Variants in DNER observed in about 807,000 individuals in gnomAD.
DNER encodes delta and Notch-like epidermal growth factor-related receptor.
DNER carries 33 observed loss-of-function variants against 78.2 expected under a neutral mutation model. The observed-to-expected ratio is 0.42, with a 90% CI of 0.32 to 0.56. The LOEUF (loss-of-function observed/expected upper bound fraction) is 0.56, where lower values mean the gene tolerates loss of function less well. Ranked by LOEUF, DNER falls within the 20% of genes least tolerant of loss-of-function variation. The probability of loss-of-function intolerance (pLI) is 0.11; values close to 1 mark genes in which losing one functional copy is unlikely to be tolerated. For synonymous variants in DNER, 417 were observed against 384.8 expected (o/e 1.08, Z -0.98); for missense variants, 918 against 975.3 (o/e 0.94, Z 0.78).
intron 4 of DNER, among the ~76,000 whole-genome samples, chr2:229,550,730 G>A (rs993650036): frequency 1.3e-5 from 2 of 152,118 alleles, no homozygotes; most frequent in South Asian, 4.1e-4. Context: ...AGCCGAGATT[G>A]CACCACTGCG....
intron 4 of DNER, among the ~76,000 whole-genome samples, chr2:229,557,069 G>A (rs1241985992): frequency 2.0e-5 from 3 of 152,132 alleles, no homozygotes; most frequent in Non-Finnish European, 4.4e-5. Flanking sequence ...TAGCCCTCAG[G>A]AAATTCCACA....
chr2:229,498,788 T>C (rs1166559676), intron 6 of DNER, among the ~76,000 whole-genome samples: 1 of 152,214 alleles, frequency 6.6e-6, no homozygotes, highest in Non-Finnish European at 1.5e-5. Context: ...AAAGATTTCC[T>C]GTGTTCATGG....
At chr2:229,660,431 T>A (rs905652258) in intron 1 of DNER, among the ~76,000 whole-genome samples, 2 of 152,200 alleles carry the variant, frequency 1.3e-5, no homozygotes, top group Admixed American at 6.6e-5. Context: ...GCTCCATCCA[T>A]GTCCCTGCAA....
intron 7 of DNER, among the ~76,000 whole-genome samples, chr2:229,454,918 A>G (rs1363973949): frequency 6.6e-6 from 1 of 151,122 alleles, no homozygotes; most frequent in African/African-American, 2.5e-5. Flanking sequence ...GTTACAAAGA[A>G]TGACAAAGCA....
intron 9 of DNER, among the ~76,000 whole-genome samples, chr2:229,411,296 C>T (rs1693513201): frequency 6.6e-6 from 1 of 152,164 alleles, no homozygotes; most frequent in African/African-American, 2.4e-5. Flanking sequence ...GTAGCTCACG[C>T]CGGTAATCCC....
chr2:229,553,497 A>G (rs558848722), intron 4 of DNER, among the ~76,000 whole-genome samples: 1 of 152,324 alleles, frequency 6.6e-6, no homozygotes, highest in East Asian at 1.9e-4. Flanking sequence ...GGGACAAGAC[A>G]AAGGACAGGG....
At chr2:229,606,719 C>T (rs898825893) in intron 1 of DNER, among the ~76,000 whole-genome samples, 1 of 152,038 alleles carries the variant, frequency 6.6e-6, no homozygotes, top group Non-Finnish European at 1.5e-5. Context: ...ATGGTGAAAC[C>T]CTGTCTCGAT....
chr2:229,674,910 CT>C (rs565888675), intron 1 of DNER, among the ~76,000 whole-genome samples: 70 of 152,318 alleles, frequency 4.6e-4, no homozygotes, highest in African/African-American at 1.7e-3. Flanking sequence ...TCACCTTGTG[CT>C]TACCAGGGAG....
chr2:229,438,906 G>C (rs1296906460), intron 8 of DNER, among the ~76,000 whole-genome samples: 1 of 152,146 alleles, frequency 6.6e-6, no homozygotes, highest in Admixed American at 6.5e-5. Context: ...TACCCTTGGT[G>C]AGTCAAGGCC....
At chr2:229,470,618 G>A (rs1694905621) in intron 7 of DNER, among the ~76,000 whole-genome samples, 1 of 152,218 alleles carries the variant, frequency 6.6e-6, no homozygotes, top group South Asian at 2.1e-4. Flanking sequence ...GGGAGGCTGA[G>A]GTGGGCGGAT....
intron 8 of DNER, among the ~76,000 whole-genome samples, chr2:229,442,300 G>A (rs543952984): frequency 1.3e-5 from 2 of 152,250 alleles, no homozygotes; most frequent in East Asian, 3.9e-4. Flanking sequence ...CAGATCAAGA[G>A]GTCAGGAGAT....
chr2:229,384,584 C>T (rs556333940), intron 11 of DNER, among the ~76,000 whole-genome samples: 2 of 152,196 alleles, frequency 1.3e-5, no homozygotes, highest in South Asian at 2.1e-4. Flanking sequence ...GGGATATCAC[C>T]GCTGATCTGA....
chr2:229,507,695 A>C (rs1222967661), intron 6 of DNER, among the ~76,000 whole-genome samples: 1 of 152,202 alleles, frequency 6.6e-6, no homozygotes, highest in Non-Finnish European at 1.5e-5. Flanking sequence ...TTAAAAATAA[A>C]ATTATAACAT....
At chr2:229,396,055 G>T (rs1200619212) in intron 10 of DNER, among the ~76,000 whole-genome samples, 1 of 152,144 alleles carries the variant, frequency 6.6e-6, no homozygotes, top group Non-Finnish European at 1.5e-5. Context: ...TCACCTAAGA[G>T]TCATGTCTTT....
At chr2:229,550,763 G>A (rs1449265597) in intron 4 of DNER, among the ~76,000 whole-genome samples, 1 of 151,916 alleles carries the variant, frequency 6.6e-6, no homozygotes, top group Non-Finnish European at 1.5e-5. Flanking sequence ...GACAGAGCGA[G>A]ACTCTGTCTC....
intron 1 of DNER, among the ~76,000 whole-genome samples, chr2:229,702,493 A>T (rs1699762003): frequency 6.6e-6 from 1 of 151,736 alleles, no homozygotes; most frequent in African/African-American, 2.4e-5. Flanking sequence ...CCATGATCAC[A>T]TTACTGCACT....
intron 1 of DNER, among the ~76,000 whole-genome samples, chr2:229,666,277 G>A (rs951882078): frequency 6.6e-6 from 1 of 151,990 alleles, no homozygotes; most frequent in Non-Finnish European, 1.5e-5. Context: ...ACGAGAAATG[G>A]AGGACACTCT....
chr2:229,695,160 G>A (rs913771061), intron 1 of DNER, among the ~76,000 whole-genome samples: 1 of 152,082 alleles, frequency 6.6e-6, no homozygotes, highest in Non-Finnish European at 1.5e-5. Context: ...AATTTCCTGA[G>A]GCCTCCCCAG....
intron 10 of DNER, among the ~76,000 whole-genome samples, chr2:229,389,653 T>C (rs1692973866): frequency 6.6e-6 from 1 of 152,188 alleles, no homozygotes; most frequent in Admixed American, 6.5e-5. Context: ...TTAAATTGCT[T>C]TTCTATCTGC....
Sources: allele counts gnomAD v4.1 joint callset (sites outside exome capture counted in the v4.1 genomes callset), GRCh38; gene constraint gnomAD v4.1.1; transcripts MANE v1.5; gene names NCBI Gene and HGNC (gene_info 2026-07-23, HGNC 2026-07-21).